Variants in AKAP10 observed in about 807,000 individuals in gnomAD.
AKAP10 encodes the protein A-kinase anchor protein 10, mitochondrial.
AKAP10 carries 24 observed loss-of-function variants against 80.8 expected under a neutral mutation model. The ratio of observed to expected loss-of-function variants is 0.30; its 90% CI spans 0.22 to 0.42. The LOEUF (loss-of-function observed/expected upper bound fraction) is 0.42, where lower values mean the gene tolerates loss of function less well. Among genes scored for constraint, AKAP10 ranks in the 10% least tolerant of loss-of-function variants. The pLI is 1.00. For synonymous variants in AKAP10, 291 were observed against 277.7 expected (o/e 1.05, Z -0.48); for missense variants, 661 against 794.9 (o/e 0.83, Z 2.03).
intron 3 of AKAP10, 121 bp from the exon 4 acceptor site, chr17:19,958,692 C>G: frequency 1.3e-6 from 1 of 776,828 alleles, no homozygotes; most frequent in Non-Finnish European, 1.9e-6. Context: ...TACTTCCTAG[C>G]AACTAAAGTA....
rs776262746 is a variant in AKAP10 at position 19,940,855 on chromosome 17, G to A, written c.1185+32C>T. On this transcript the variant is annotated intron_variant, in intron 7 of 14. Coordinates refer to ENST00000225737, the MANE Select transcript of AKAP10 (RefSeq NM_007202.4). The stretch of plus-strand genomic sequence containing the variant: ...TTGATAGTTAGAGGCTGGAATGCTC[G>A]AATAGAGTGTGAAAAGAAATGCAGA... 3.2e-6 allele frequency: 5 copies of A among 1,569,662 alleles called. No individual in the cohort carries two copies. The South Asian group carries it at 3.7e-5, about 12-fold the overall frequency.
intron 12 of AKAP10, among the ~76,000 whole-genome samples, chr17:19,918,308 G>C (rs901506365): frequency 3.3e-5 from 5 of 152,024 alleles, no homozygotes; most frequent in African/African-American, 9.7e-5. Context: ...GGGAGGCTAA[G>C]GCGGGCAGAT....
chr17:19,929,036 T>C (rs552443364), intron 10 of AKAP10, among the ~76,000 whole-genome samples: 18 of 152,218 alleles, frequency 1.2e-4, no homozygotes, highest in African/African-American at 4.1e-4. Flanking sequence ...TTCTGATACA[T>C]GCCAAACATG....
chr17:19,973,016 G>A (rs1461431159), intron 1 of AKAP10, among the ~76,000 whole-genome samples: 2 of 152,068 alleles, frequency 1.3e-5, no homozygotes, highest in Non-Finnish European at 1.5e-5. Context: ...TTAAGACTCC[G>A]TCACCCTGGC....
chr17:19,943,918 G>A (rs940172492), intron 5 of AKAP10, among the ~76,000 whole-genome samples: 2 of 151,982 alleles, frequency 1.3e-5, no homozygotes, highest in African/African-American at 2.4e-5. Context: ...GTAGCTGACA[G>A]GGAAAAAACC....
At chr17:19,977,093 A>G (rs1369463769) in intron 1 of AKAP10, among the ~76,000 whole-genome samples, 1 of 152,208 alleles carries the variant, frequency 6.6e-6, no homozygotes, top group African/African-American at 2.4e-5. Context: ...AACTTTAGCA[A>G]TAAGTAATTT....
intron 14 of AKAP10, among the ~76,000 whole-genome samples, chr17:19,907,977 C>T (rs1446928759): frequency 6.6e-6 from 1 of 151,962 alleles, no homozygotes; most frequent in African/African-American, 2.4e-5. Context: ...AATTCTCCTG[C>T]CTCAGCCTCC....
intron 4 of AKAP10, among the ~76,000 whole-genome samples, chr17:19,950,965 C>T (rs1432277226): frequency 7.9e-5 from 12 of 151,850 alleles, no homozygotes; most frequent in Admixed American, 3.3e-4. Flanking sequence ...GCCGCGACCC[C>T]GTCTGGGAAC....
chr17:19,946,222 TTATATATATATATATTATATATA>T (rs1187761774), intron 5 of AKAP10, among the ~76,000 whole-genome samples: 9 of 33,958 alleles, frequency 2.7e-4, no homozygotes, highest in East Asian at 3.1e-3. Flanking sequence ...TATATATATT[TTATATATATATATATTATATATA>T]TATATATATA....
intron 2 of AKAP10, among the ~76,000 whole-genome samples, chr17:19,963,744 A>G (rs1177932322): frequency 6.6e-6 from 1 of 151,960 alleles, no homozygotes; most frequent in Non-Finnish European, 1.5e-5. Context: ...AAAATACAAA[A>G]AATTAGCTGG....
chr17:19,914,479 A>C (rs1406832911), intron 12 of AKAP10, among the ~76,000 whole-genome samples: 3 of 151,894 alleles, frequency 2.0e-5, no homozygotes, highest in Admixed American at 6.6e-5. Context: ...CTGTCTCTAC[A>C]AAAAGTAAAA....
At chr17:19,922,208 G>T (rs2042825192) in intron 11 of AKAP10, among the ~76,000 whole-genome samples, 1 of 152,128 alleles carries the variant, frequency 6.6e-6, no homozygotes, top group African/African-American at 2.4e-5. Flanking sequence ...CAAGAATAAT[G>T]CATTTATCAA....
At chr17:19,935,042 CAG>C (rs1403621829) in intron 9 of AKAP10, among the ~76,000 whole-genome samples, 2 of 151,640 alleles carry the variant, frequency 1.3e-5, no homozygotes, top group Non-Finnish European at 2.9e-5. Flanking sequence ...AATCAATAAA[CAG>C]AATTTCCGTT....
intron 2 of AKAP10, among the ~76,000 whole-genome samples, chr17:19,963,358 G>A (rs2043377085): frequency 6.6e-6 from 1 of 151,570 alleles, no homozygotes; most frequent in African/African-American, 2.4e-5. Context: ...CAGGATTACA[G>A]GCATGAGCCA....
chr17:19,958,965 G>C (rs888421996), intron 3 of AKAP10, among the ~76,000 whole-genome samples: 30 of 144,366 alleles, frequency 2.1e-4, no homozygotes, highest in African/African-American at 7.1e-4. Flanking sequence ...CGATTCTCTT[G>C]ACTCAGCCTC....
At position 19,958,267 on chromosome 17, in the gene AKAP10, C is replaced by T; in HGVS notation, c.624G>A (p.Glu208=). 6 of 1,614,116 alleles carry T rather than the reference C, an allele frequency of 3.7e-6. No homozygotes were observed. The highest frequency in any genetic ancestry group is 5.1e-6 in the Non-Finnish European group (6 of 1,180,018). ...FLTDSLDKRL[E]DSGSAQLFMT... is the part of the protein sequence containing the mutation. ...TAAACAACTGTGCTGAGCCAGAATCCTCCAATCTCTTATCAAGAGAATCAG... is the reference window on the plus strand; with the variant it reads ...TAAACAACTGTGCTGAGCCAGAATCTTCCAATCTCTTATCAAGAGAATCAG... Residue 208 remains glutamate, a synonymous_variant, in exon 4 of 15, where the codon GAG becomes GAA. Transcript: ENST00000225737.
At chr17:19,906,292 T>G in intron 14 of AKAP10, 60 bp from the exon 15 acceptor site, 1 of 1,567,418 alleles carries the variant, frequency 6.4e-7, no homozygotes, top group Non-Finnish European at 8.7e-7. Flanking sequence ...TGACCTATTA[T>G]TACAAATTAA....
At chr17:19,959,494 A>C (rs1382145269) in intron 3 of AKAP10, among the ~76,000 whole-genome samples, 3 of 152,216 alleles carry the variant, frequency 2.0e-5, no homozygotes, top group Admixed American at 6.5e-5. Flanking sequence ...AAAATTGTGG[A>C]TATATCTACA....
At chr17:19,965,043 T>C (rs2043400053) in intron 2 of AKAP10, among the ~76,000 whole-genome samples, 1 of 152,246 alleles carries the variant, frequency 6.6e-6, no homozygotes, top group African/African-American at 2.4e-5. Flanking sequence ...ATCTGTGACT[T>C]GTCTTTGACC....
Sources: gnomAD v4.1 joint callset for allele counts (sites outside exome capture counted in the v4.1 genomes callset) on GRCh38, gnomAD v4.1.1 for gene constraint, MANE v1.5 for transcripts, NCBI Gene and HGNC (gene_info 2026-07-23, HGNC 2026-07-21) for gene names.